ANXA6: variants seen among roughly 807,000 people sequenced by gnomAD.
ANXA6 encodes the protein 67 kDa calelectrin.
A neutral mutation model predicts 95.4 loss-of-function variants in ANXA6; 71 were observed. The ratio of observed to expected loss-of-function variants is 0.74; its 90% confidence interval spans 0.61 to 0.91. ANXA6 has a LOEUF of 0.91. ANXA6 is among the 40% of genes least tolerant of loss of function. ANXA6 has a pLI of 0.00. For missense variants in ANXA6, 830 were observed against 876.4 expected (o/e 0.95, Z 0.67); for synonymous variants, 289 against 315.9 (o/e 0.91, Z 0.90).
intron 1 of ANXA6, among the ~76,000 whole-genome samples, chr5:151,153,866 C>A (rs1033949389): frequency 1.3e-5 from 2 of 152,142 alleles, no homozygotes; most frequent in Admixed American, 1.3e-4. Context: ...TAGAACAGCA[C>A]ATGATCATTT....
In ANXA6 at chr5:151,101,140, G is replaced by A; in HGVS notation, c.*308C>T. 1.8e-6 allele frequency: 1 copy of A among 554,174 alleles called. No homozygotes were observed. Among genetic ancestry groups the A allele is most frequent in the Non-Finnish European group, 3.4e-6 (1 of 298,256 alleles). 34.3% of individuals were successfully genotyped at this position (554,174 alleles called of 1,614,324 possible). ...AGAGGTTCAGGATGTTTTTGGATCT[G>A]ACATAGCCCAAACCAGGGCAGAGGC... On this transcript the variant is annotated 3_prime_UTR_variant, in exon 26 of 26. Coordinates refer to ENST00000354546, the MANE Select transcript of ANXA6 (RefSeq NM_001155.5).
At chr5:151,139,545 G>T in intron 3 of ANXA6, 98 bp from the exon 4 acceptor site, 1 of 775,080 alleles carries the variant, frequency 1.3e-6, no homozygotes, top group Non-Finnish European at 2.2e-6. Context: ...GTAGCTCCCT[G>T]CAGGCCTCAG....
chr5:151,128,886 T>C (rs1765407214), intron 12 of ANXA6, among the ~76,000 whole-genome samples: 1 of 151,948 alleles, frequency 6.6e-6, no homozygotes, highest in African/African-American at 2.4e-5. Flanking sequence ...GAAACATACT[T>C]TGGAGAATAC....
Position 151,117,363 on chromosome 5 carries a change from C to T in ANXA6, c.1519-183G>A, listed in dbSNP as rs117487303. Among the ~76,000 whole-genome samples, 239 of 152,320 alleles carry T rather than the reference C, an allele frequency of 1.6e-3. 7 individuals carry two copies. In the East Asian group the frequency reaches 0.041, roughly 26 times the overall value. On this transcript the variant is annotated intron_variant, in intron 19 of 25. Transcript: ENST00000354546. The stretch of plus-strand genomic sequence containing the variant: ...TCATTAACTGAGAATGTGTGCAAGA[C>T]ACTTAGCACCAATGCCTGACACACA...
At chr5:151,104,448 T>G (rs1046055632) in intron 24 of ANXA6, among the ~76,000 whole-genome samples, 1 of 152,208 alleles carries the variant, frequency 6.6e-6, no homozygotes, top group African/African-American at 2.4e-5. Context: ...AGGAGCTATG[T>G]AAATGTGGGC....
At chr5:151,119,800 T>C (rs962047805) in intron 17 of ANXA6, among the ~76,000 whole-genome samples, 2 of 152,264 alleles carry the variant, frequency 1.3e-5, no homozygotes, top group African/African-American at 4.8e-5. Flanking sequence ...TCTTCTTTTT[T>C]ACTCTATTTC....
chr5:151,107,454 T>C (rs1366076555), intron 23 of ANXA6, among the ~76,000 whole-genome samples: 1 of 152,172 alleles, frequency 6.6e-6, no homozygotes, highest in African/African-American at 2.4e-5. Context: ...CTCCTAGATA[T>C]TGCTCCTGGG....
chr5:151,150,731 G>A (rs903467498), intron 1 of ANXA6, among the ~76,000 whole-genome samples: 14 of 152,174 alleles, frequency 9.2e-5, no homozygotes, highest in African/African-American at 3.1e-4. Context: ...GTGTGTGGTG[G>A]GGGGAGGAGG....
At chr5:151,108,628 G>C in intron 22 of ANXA6, 78 bp from the exon 23 acceptor site, 1 of 1,246,472 alleles carries the variant, frequency 8.0e-7, no homozygotes, top group Non-Finnish European at 1.2e-6. Flanking sequence ...GCCCCACCCA[G>C]TGCCTCCCAC....
intron 2 of ANXA6, among the ~76,000 whole-genome samples, chr5:151,143,807 T>C (rs1765899947): frequency 6.6e-6 from 1 of 152,008 alleles, no homozygotes; most frequent in Non-Finnish European, 1.5e-5. Context: ...GCGAATATAT[T>C]CCAAGCAGAT....
rs369346632 is a variant in ANXA6, at chr5:151,139,368, C to T, written c.189G>A (p.Lys63=). ...RQRQEVCQSY[K]SLYGKDLIAD... is the part of the protein sequence containing the mutation. ...CTGTGGTTACCTTGCCGTAGAGGGA[C>T]TTGTAGCTCTGGCAGACCTCCTGCC... The change falls in exon 4 of 26, where the codon AAG becomes AAA. Residue 63 remains lysine, a synonymous_variant. Coordinates refer to ENST00000354546, the MANE Select transcript of ANXA6 (RefSeq NM_001155.5). 3.1e-6 allele frequency: 5 copies of T among 1,612,006 alleles called. No homozygotes were observed. The highest frequency in any genetic ancestry group is 8.5e-7 in the Non-Finnish European group (1 of 1,178,856).
intron 25 of ANXA6, 77 bp from the exon 26 acceptor site, chr5:151,101,584 GT>G: frequency 7.7e-7 from 1 of 1,292,302 alleles, no homozygotes; most frequent in South Asian, 1.3e-5. Context: ...CTGCCCATCT[GT>G]CTGGACATCT....
Position 151,133,119 on chromosome 5 carries a change from A to C in ANXA6, c.615T>G (p.Asn205Lys). The C allele has an allele frequency of 6.3e-7, 1 of 1,598,664 alleles. No individual in the cohort carries two copies. Among genetic ancestry groups the C allele is most frequent in the East Asian group, 2.3e-5 (1 of 44,422 alleles). Reference sequence around the variant, plus strand: ...CCAACCGAAGATGCTGCTTGCTGCGATTTCCCAAGATGTAAATGAACTGGG... The same window carrying C: ...CCAACCGAAGATGCTGCTTGCTGCGCTTTCCCAAGATGTAAATGAACTGGG... ...DEAQFIYILG[N>K]RSKQHLRLVF... The change falls in exon 9 of 26, where the codon AAT becomes AAG. Residue 205 changes from asparagine (N) to lysine (K), a missense_variant. Asn to Lys is a moderately conservative substitution (Grantham distance 94). Transcript: ENST00000354546.
chr5:151,154,617 C>T (rs938163100), intron 1 of ANXA6, among the ~76,000 whole-genome samples: 1 of 152,162 alleles, frequency 6.6e-6, no homozygotes, highest in Non-Finnish European at 1.5e-5. Flanking sequence ...CCTCCAGGAG[C>T]CTTGATTCTG....
Position 151,122,201 on chromosome 5 carries a change from C to T in ANXA6, c.1293G>A (p.Gly431=). 1 of 1,603,874 alleles carries T rather than the reference C, an allele frequency of 6.2e-7. No homozygotes were observed. The highest frequency in any genetic ancestry group is 1.1e-5 in the South Asian group (1 of 88,988). ...ISGDLARLIL[G]LMMPPAHYDA... is the part of the protein sequence containing the mutation. ...CGTAATGGGCCGGTGGCATCATGAG[C>T]CCCAGAATCAGCCTTGCCAGGTCTC... Residue 431 remains glycine, a synonymous_variant, in exon 17 of 26, where the codon GGG becomes GGA. Coordinates refer to ENST00000354546, the MANE Select transcript of ANXA6 (RefSeq NM_001155.5).
intron 24 of ANXA6, 101 bp from the exon 25 acceptor site, chr5:151,103,793 T>C (rs956914690): frequency 3.2e-5 from 44 of 1,357,248 alleles, no homozygotes; most frequent in Non-Finnish European, 4.0e-5. Flanking sequence ...CCTTGTTCCT[T>C]CCAAAAACAG....
intron 21 of ANXA6, 36 bp from the exon 22 acceptor site, chr5:151,109,882 G>A: frequency 6.9e-7 from 1 of 1,448,058 alleles, no homozygotes; most frequent in Non-Finnish European, 9.5e-7. Flanking sequence ...ATTTGGGAGG[G>A]GAGACATGAG....
intron 7 of ANXA6, among the ~76,000 whole-genome samples, chr5:151,135,717 T>C (rs1361216914): frequency 6.6e-6 from 1 of 152,234 alleles, no homozygotes; most frequent in Non-Finnish European, 1.5e-5. Flanking sequence ...TACATTAAAA[T>C]AATCCAGAAA....
At chr5:151,140,023 A>G in intron 3 of ANXA6, 130 bp downstream of exon 3, 2 of 622,544 alleles carry the variant, frequency 3.2e-6, no homozygotes, top group Non-Finnish European at 5.4e-6. Flanking sequence ...ATTAATAAAA[A>G]GAGGAGACCA....
Sources: gnomAD v4.1 joint callset for allele counts (sites outside exome capture counted in the v4.1 genomes callset) on GRCh38, gnomAD v4.1.1 for gene constraint, MANE v1.5 for transcripts, NCBI Gene and HGNC (gene_info 2026-07-23, HGNC 2026-07-21) for gene names.